The following DPP6 variants were observed in gnomAD, a reference collection of about 807,000 sequenced individuals.
DPP6 encodes A-type potassium channel modulatory protein DPP6.
DPP6 carries 69 observed loss-of-function variants against 122.6 expected under a neutral mutation model. That is an observed-to-expected ratio of 0.56 (90% CI 0.46 to 0.69). The LOEUF (loss-of-function observed/expected upper bound fraction) is 0.69. DPP6 is among the 30% of genes least tolerant of loss of function. DPP6 has a pLI of 0.00. For missense variants in DPP6, 928 were observed against 1,116.9 expected (o/e 0.83, Z 2.41); for synonymous variants, 418 against 433.1 (o/e 0.97, Z 0.43).
the DPP6 span, among the ~76,000 whole-genome samples, chr7:153,791,857 G>A: frequency 0.099 from 13,792 of 139,638 alleles, no homozygotes; most frequent in African/African-American, 0.24. Flanking sequence ...GGGAGACAAG[G>A]CTATTTCTGT....
intron 1 of DPP6, among the ~76,000 whole-genome samples, chr7:154,350,842 T>C (rs138219639): frequency 6.6e-6 from 1 of 152,260 alleles, no homozygotes; most frequent in East Asian, 1.9e-4. Flanking sequence ...ATGGGTGTTT[T>C]TAAGGGAATT....
chr7:154,583,249 G>A (rs1010635829), intron 5 of DPP6, among the ~76,000 whole-genome samples: 2 of 152,222 alleles, frequency 1.3e-5, no homozygotes, highest in African/African-American at 2.4e-5. Context: ...GAAGTACAAG[G>A]TCAAGGTGCC....
the DPP6 span, among the ~76,000 whole-genome samples, chr7:153,800,966 A>G: frequency 6.6e-6 from 1 of 152,248 alleles, no homozygotes; most frequent in Non-Finnish European, 1.5e-5. Flanking sequence ...GTATCAAAAC[A>G]TCACATGTAC....
intron 1 of DPP6, among the ~76,000 whole-genome samples, chr7:154,361,670 A>G (rs10228095): frequency 0.25 from 38,166 of 151,360 alleles, 10,039 homozygotes; most frequent in African/African-American, 0.68. Flanking sequence ...TTGTTGAAGC[A>G]GCAATGAATA....
At chr7:153,818,909 G>T in the DPP6 span, among the ~76,000 whole-genome samples, 1 of 151,696 alleles carries the variant, frequency 6.6e-6, no homozygotes, top group African/African-American at 2.4e-5. Context: ...ATGCCACCAC[G>T]CTTGGCTAAT....
intron 5 of DPP6, among the ~76,000 whole-genome samples, chr7:154,609,706 C>A (rs2130801163): frequency 6.6e-6 from 1 of 152,316 alleles, no homozygotes; most frequent in East Asian, 1.9e-4. Flanking sequence ...CACTACAGAA[C>A]AAACTTCCTT....
intron 1 of DPP6, among the ~76,000 whole-genome samples, chr7:154,325,709 T>A (rs1808389224): frequency 6.6e-6 from 1 of 152,242 alleles, no homozygotes; most frequent in Admixed American, 6.5e-5. Context: ...GTTTTCATAA[T>A]CTATTGAGAA....
chr7:154,072,781 G>A (rs1232594419), intron 1 of DPP6, among the ~76,000 whole-genome samples: 2 of 152,266 alleles, frequency 1.3e-5, no homozygotes, highest in African/African-American at 4.8e-5. Flanking sequence ...GAGCCCAAGG[G>A]CTTGGGCTTG....
At chr7:154,088,965 A>C (rs1362925341) in intron 1 of DPP6, among the ~76,000 whole-genome samples, 3 of 152,170 alleles carry the variant, frequency 2.0e-5, no homozygotes, top group Admixed American at 6.5e-5. Context: ...CACAGTGGAG[A>C]GCATGCCCTG....
chr7:154,799,853 T>C (rs560672841), intron 12 of DPP6, among the ~76,000 whole-genome samples: 4 of 152,330 alleles, frequency 2.6e-5, no homozygotes, highest in African/African-American at 9.6e-5. Context: ...ACTTTGTCAC[T>C]AAAAATACAT....
At chr7:154,095,505 A>C (rs991577026) in intron 1 of DPP6, 14 of 141,244 alleles carry the variant, frequency 9.9e-5, no homozygotes, top group African/African-American at 3.6e-4. Context: ...GTTTTCAAAT[A>C]ATGTTTTTCC....
intron 1 of DPP6, among the ~76,000 whole-genome samples, chr7:154,141,911 T>A (rs1489410421): frequency 6.6e-6 from 1 of 152,206 alleles, no homozygotes; most frequent in Non-Finnish European, 1.5e-5. Context: ...TAAAAATACA[T>A]TTGAATATGA....
chr7:154,228,378 A>G (rs969368115), intron 1 of DPP6, among the ~76,000 whole-genome samples: 7 of 152,202 alleles, frequency 4.6e-5, no homozygotes, highest in Admixed American at 2.6e-4. Context: ...TACTTGATCT[A>G]CAATTTATTT....
chr7:154,433,200 C>T (rs1186185020), intron 1 of DPP6, among the ~76,000 whole-genome samples: 1 of 125,710 alleles, frequency 8.0e-6, no homozygotes, highest in Non-Finnish European at 1.6e-5. Flanking sequence ...GGCTGGAGTG[C>T]AGTGGCACAA....
At chr7:154,827,973 A>G (rs870878) in intron 16 of DPP6, among the ~76,000 whole-genome samples, 123,984 of 152,088 alleles carry the variant, frequency 0.82, 50,646 homozygotes, top group Non-Finnish European at 0.84. Context: ...TGGAAACTGG[A>G]GGCACACCTG....
chr7:154,455,145 A>T (rs1243131162), intron 2 of DPP6, among the ~76,000 whole-genome samples: 1 of 152,164 alleles, frequency 6.6e-6, no homozygotes, highest in Non-Finnish European at 1.5e-5. Flanking sequence ...ACAGGAAGGG[A>T]TGGACACATA....
chr7:154,122,826 C>A (rs550825282), intron 1 of DPP6, among the ~76,000 whole-genome samples: 30 of 152,364 alleles, frequency 2.0e-4, no homozygotes, highest in South Asian at 4.1e-4. Flanking sequence ...GGCCATCATC[C>A]TCCTCCCTCT....
chr7:153,899,133 CCTTT>C (rs2128997438), intron 1 of DPP6, among the ~76,000 whole-genome samples: 1 of 152,078 alleles, frequency 6.6e-6, no homozygotes, highest in Admixed American at 6.6e-5. Context: ...TCCTCCTCCT[CCTTT>C]TTCTCCTTCT....
chr7:154,225,288 G>C (rs1274908122), intron 1 of DPP6, among the ~76,000 whole-genome samples: 2 of 152,048 alleles, frequency 1.3e-5, no homozygotes, highest in African/African-American at 2.4e-5. Flanking sequence ...ACTTTTCTTA[G>C]AATAGTCTGC....
Sources: allele counts gnomAD v4.1 joint callset (sites outside exome capture counted in the v4.1 genomes callset), GRCh38; gene constraint gnomAD v4.1.1; transcripts MANE v1.5; gene names NCBI Gene and HGNC (gene_info 2026-07-23, HGNC 2026-07-21).